The following CHLSN variants were observed in gnomAD, a reference collection of about 807,000 sequenced individuals.
CHLSN encodes the protein protein cholesin.
chr7:1,012,253 C>A, the CHLSN span, among the ~76,000 whole-genome samples: 1 of 152,234 alleles, frequency 6.6e-6, no homozygotes, highest in Non-Finnish European at 1.5e-5. Flanking sequence ...CGTGGGGCAC[C>A]CGGACAGGCC....
the CHLSN span, among the ~76,000 whole-genome samples, chr7:1,071,753 C>T: frequency 2.8e-4 from 43 of 152,316 alleles, no homozygotes; most frequent in African/African-American, 9.6e-4. Context: ...TGACCACATT[C>T]GGTGTCACCA....
At chr7:1,004,228 G>T in the CHLSN span, among the ~76,000 whole-genome samples, 1 of 152,244 alleles carries the variant, frequency 6.6e-6, no homozygotes, top group South Asian at 2.1e-4. Context: ...GTGCACCCGG[G>T]CCAGCCAGGC....
the CHLSN span, among the ~76,000 whole-genome samples, chr7:1,005,898 C>G: frequency 6.6e-6 from 1 of 152,226 alleles, no homozygotes; most frequent in Non-Finnish European, 1.5e-5. Flanking sequence ...AGGGGGCCGG[C>G]CCCCGAAAAT....
At chr7:994,577 G>A in the CHLSN span, among the ~76,000 whole-genome samples, 1 of 152,084 alleles carries the variant, frequency 6.6e-6, no homozygotes, top group South Asian at 2.1e-4. Flanking sequence ...CCGAGTAGCT[G>A]TGACTTCAGA....
chr7:1,013,978 G>A, the CHLSN span, among the ~76,000 whole-genome samples: 12 of 152,334 alleles, frequency 7.9e-5, no homozygotes, highest in African/African-American at 2.4e-4. Flanking sequence ...CACCCACACA[G>A]ATAAACTGCG....
the CHLSN span, among the ~76,000 whole-genome samples, chr7:1,075,033 C>T: frequency 3.9e-5 from 6 of 152,298 alleles, no homozygotes; most frequent in South Asian, 2.1e-4. Context: ...CATGGGAGGG[C>T]GCAGAATGGA....
chr7:1,130,083 G>T, the CHLSN span, among the ~76,000 whole-genome samples: 1 of 152,190 alleles, frequency 6.6e-6, no homozygotes, highest in East Asian at 1.9e-4. Flanking sequence ...TGAGTCTGGG[G>T]TCTCCTCTGA....
the CHLSN span, among the ~76,000 whole-genome samples, chr7:1,106,628 G>C: frequency 3.1e-3 from 468 of 152,288 alleles, 1 homozygote; most frequent in Non-Finnish European, 3.2e-3. Context: ...TGAGGGTGAC[G>C]GGCCTGGGGC....
At chr7:1,073,486 C>A in the CHLSN span, among the ~76,000 whole-genome samples, 1 of 152,170 alleles carries the variant, frequency 6.6e-6, no homozygotes, top group African/African-American at 2.4e-5. Context: ...TGCTGCTCCT[C>A]AACATCGTAG....
chr7:1,053,030 T>A, the CHLSN span, among the ~76,000 whole-genome samples: 2 of 151,966 alleles, frequency 1.3e-5, no homozygotes, highest in South Asian at 2.1e-4. Flanking sequence ...GTCAGCAGAG[T>A]GCATGGCTGA....
the CHLSN span, among the ~76,000 whole-genome samples, chr7:981,943 G>A: frequency 3.9e-5 from 6 of 152,262 alleles, no homozygotes; most frequent in East Asian, 1.2e-3. Context: ...TGAGGTGGGA[G>A]GATGGCTTGA....
chr7:1,136,668 T>C, the CHLSN span, among the ~76,000 whole-genome samples: 1 of 148,100 alleles, frequency 6.8e-6, no homozygotes, highest in East Asian at 2.0e-4. Context: ...TGTGTATATA[T>C]ATAACTATAT....
chr7:1,112,262 G>A, the CHLSN span, among the ~76,000 whole-genome samples: 60 of 152,316 alleles, frequency 3.9e-4, no homozygotes, highest in African/African-American at 1.4e-3. Context: ...GAGGAAGGCC[G>A]GCGAGCCTCC....
At chr7:1,041,570 AT>A in the CHLSN span, among the ~76,000 whole-genome samples, 1 of 152,214 alleles carries the variant, frequency 6.6e-6, no homozygotes, top group East Asian at 1.9e-4. Flanking sequence ...TGTCTCACTT[AT>A]GCTAAGGCTC....
At chr7:1,019,907 G>A in the CHLSN span, among the ~76,000 whole-genome samples, 6,915 of 152,320 alleles carry the variant, frequency 0.045, 528 homozygotes, top group African/African-American at 0.16. Flanking sequence ...GGCACTGACC[G>A]CGGCCCGGAG....
the CHLSN span, among the ~76,000 whole-genome samples, chr7:1,069,511 C>T: frequency 3.4e-4 from 49 of 143,844 alleles, no homozygotes; most frequent in East Asian, 2.5e-3. Context: ...AGGCACGCGC[C>T]GCCACGCCTG....
At chr7:978,761 G>A in the CHLSN span, among the ~76,000 whole-genome samples, 789 of 152,340 alleles carry the variant, frequency 5.2e-3, 3 homozygotes, top group African/African-American at 0.017. Context: ...GGCCGTGTTC[G>A]CGTTATCTGC....
the CHLSN span, among the ~76,000 whole-genome samples, chr7:1,005,522 G>A: frequency 2.6e-5 from 4 of 152,244 alleles, no homozygotes; most frequent in Admixed American, 6.5e-5. Flanking sequence ...TGGGTTGGCC[G>A]CTCCTCCCAT....
the CHLSN span, among the ~76,000 whole-genome samples, chr7:978,968 G>A: frequency 1.3e-5 from 2 of 152,156 alleles, no homozygotes; most frequent in African/African-American, 4.8e-5. Flanking sequence ...GCCTGGCCAC[G>A]GTTCCGTGGG....
Sources: allele counts gnomAD v4.1 joint callset (sites outside exome capture counted in the v4.1 genomes callset), GRCh38; gene constraint gnomAD v4.1.1; transcripts MANE v1.5; gene names NCBI Gene and HGNC (gene_info 2026-07-23, HGNC 2026-07-21).